The following FSAF1 variants were observed in gnomAD, a reference collection of about 807,000 sequenced individuals.
The protein encoded by FSAF1 is uncharacterized protein C1orf131.
At chr1:231,236,779 A>G in the FSAF1 span, 12 of 152,312 alleles carry the variant, frequency 7.9e-5, no homozygotes, top group African/African-American at 2.9e-4. Context: ...CATTTTTCAT[A>G]TCATGACACA....
the FSAF1 span, chr1:231,229,260 A>G: frequency 4.0e-6 from 5 of 1,252,294 alleles, no homozygotes; most frequent in Non-Finnish European, 5.7e-6. Flanking sequence ...TCATTATAGT[A>G]TCTATCACCG....
At chr1:231,229,062 ATAATAAATT>A in the FSAF1 span, 1 of 795,456 alleles carries the variant, frequency 1.3e-6, no homozygotes, top group East Asian at 2.8e-5. Context: ...TTATAAACTT[ATAATAAATT>A]TAATATAAAC....
At chr1:231,240,967 G>T in the FSAF1 span, 1 of 1,492,722 alleles carries the variant, frequency 6.7e-7, no homozygotes, top group Non-Finnish European at 9.3e-7. The surrounding 1 kb of genome is among the most constrained non-coding windows in gnomAD (Gnocchi z 4.1). Context: ...GGCAACACAG[G>T]AGACCCACGT....
At chr1:231,225,371 A>T in the FSAF1 span, 6 of 1,152,520 alleles carry the variant, frequency 5.2e-6, no homozygotes, top group Admixed American at 1.7e-5. Flanking sequence ...AAGCGCTCTA[A>T]TGGGCTAGCA....
the FSAF1 span, chr1:231,225,727 G>C: frequency 1.7e-6 from 1 of 585,398 alleles, no homozygotes; most frequent in South Asian, 2.0e-5. Context: ...GGTGGCTCAT[G>C]CCTATAGTCC....
the FSAF1 span, chr1:231,239,052 C>A: frequency 6.2e-7 from 1 of 1,614,176 alleles, no homozygotes; most frequent in Non-Finnish European, 8.5e-7. Context: ...TCGAAGCGCT[C>A]TTCCTCTGGC....
At chr1:231,238,931 C>T in the FSAF1 span, 1 of 1,614,108 alleles carries the variant, frequency 6.2e-7, no homozygotes, top group Non-Finnish European at 8.5e-7. Context: ...TCTACTTGTT[C>T]CCTATTGTTC....
chr1:231,241,007 T>C, the FSAF1 span: 5 of 1,606,118 alleles, frequency 3.1e-6, no homozygotes, highest in South Asian at 1.1e-5. Flanking sequence ...CGTGGGCTCC[T>C]GGGACCCCGC....
chr1:231,230,620 T>G, the FSAF1 span, among the ~76,000 whole-genome samples: 29 of 152,144 alleles, frequency 1.9e-4, no homozygotes, highest in Non-Finnish European at 3.1e-4. Context: ...CACAATGGAG[T>G]CCACTTGCTC....
chr1:231,240,961 A>G, the FSAF1 span: 1 of 1,461,920 alleles, frequency 6.8e-7, no homozygotes, highest in Non-Finnish European at 9.6e-7. The surrounding 1 kb of genome is among the most constrained non-coding windows in gnomAD (Gnocchi z 4.1). Context: ...AGGACGGGCA[A>G]CACAGGAGAC....
At chr1:231,239,023 C>CT in the FSAF1 span, 2 of 1,614,114 alleles carry the variant, frequency 1.2e-6, no homozygotes, top group Admixed American at 3.3e-5. Context: ...CCGCTCTTCT[C>CT]TAAGTTCCTT....
the FSAF1 span, among the ~76,000 whole-genome samples, chr1:231,234,958 C>T: frequency 2.6e-5 from 4 of 152,314 alleles, no homozygotes; most frequent in African/African-American, 9.6e-5. The surrounding 1 kb of genome is among the most constrained non-coding windows in gnomAD (Gnocchi z 4.0). Flanking sequence ...CTGACCACTA[C>T]ATCTAGACCA....
chr1:231,236,216 CA>C, the FSAF1 span, among the ~76,000 whole-genome samples: 4 of 152,174 alleles, frequency 2.6e-5, no homozygotes, highest in African/African-American at 9.7e-5. Flanking sequence ...TTGGCATACC[CA>C]GGATATGCCA....
At chr1:231,229,596 G>A in the FSAF1 span, among the ~76,000 whole-genome samples, 2 of 152,152 alleles carry the variant, frequency 1.3e-5, no homozygotes, top group Non-Finnish European at 2.9e-5. Context: ...CAACTCAAAT[G>A]TCCACCAACA....
the FSAF1 span, chr1:231,224,154 T>C: frequency 1.7e-6 from 2 of 1,171,298 alleles, no homozygotes; most frequent in Non-Finnish European, 2.3e-6. Flanking sequence ...TTTGACTTTT[T>C]TTCTAAAATG....
the FSAF1 span, chr1:231,225,181 G>A: frequency 2.1e-6 from 1 of 485,128 alleles, no homozygotes; most frequent in East Asian, 3.3e-5. Context: ...CTACGCTGCT[G>A]TAGCAGCACT....
the FSAF1 span, among the ~76,000 whole-genome samples, chr1:231,228,090 C>T: frequency 6.6e-6 from 1 of 152,202 alleles, no homozygotes; most frequent in Non-Finnish European, 1.5e-5. Context: ...CCATTTATCA[C>T]AGCAGCTTCA....
the FSAF1 span, among the ~76,000 whole-genome samples, chr1:231,233,697 C>T: frequency 4.6e-5 from 7 of 152,062 alleles, no homozygotes; most frequent in Non-Finnish European, 8.8e-5. Flanking sequence ...GAACTACAGG[C>T]GCATGCCACC....
the FSAF1 span, among the ~76,000 whole-genome samples, chr1:231,232,298 G>A: frequency 6.6e-6 from 1 of 152,126 alleles, no homozygotes; most frequent in Admixed American, 6.5e-5. Flanking sequence ...GGCGACTCAC[G>A]CTTCCCCGTC....
Sources: gnomAD v4.1 joint callset for allele counts (sites outside exome capture counted in the v4.1 genomes callset) on GRCh38, gnomAD v4.1.1 for gene constraint, Gnocchi (gnomAD v3.1) non-coding constraint, MANE v1.5 for transcripts, NCBI Gene and HGNC (gene_info 2026-07-23, HGNC 2026-07-21) for gene names.